FHIT: variants seen among roughly 807,000 people sequenced by gnomAD.
FHIT encodes bis(5'-adenosyl)-triphosphatase.
A neutral mutation model predicts 17.9 loss-of-function variants in FHIT; 19 were observed. That is an observed-to-expected ratio of 1.06 (90% CI 0.74 to 1.56). The LOEUF (loss-of-function observed/expected upper bound fraction) is 1.56, where lower values mean the gene tolerates loss of function less well. FHIT is among the 40% of genes most tolerant of loss of function. The pLI is 0.00. For missense variants in FHIT, 248 were observed against 189.2 expected (o/e 1.31, Z -1.82); for synonymous variants, 81 against 69.7 (o/e 1.16, Z -0.81).
At chr3:60,572,926 A>T (rs535844343) in intron 4 of FHIT, among the ~76,000 whole-genome samples, 2 of 152,184 alleles carry the variant, frequency 1.3e-5, no homozygotes, top group Admixed American at 6.5e-5. Flanking sequence ...AATGCTCAAC[A>T]TACAGCATTT....
intron 4 of FHIT, among the ~76,000 whole-genome samples, chr3:60,708,707 A>ATC (rs2041437438): frequency 6.6e-6 from 1 of 152,332 alleles, no homozygotes; most frequent in Admixed American, 6.5e-5. Context: ...CTTTTAATCC[A>ATC]TCACTTTGCA....
intron 5 of FHIT, among the ~76,000 whole-genome samples, chr3:60,325,228 C>T (rs150719171): frequency 7.4e-4 from 113 of 152,140 alleles, no homozygotes; most frequent in African/African-American, 2.6e-3. Context: ...TGTTTTATTG[C>T]GTTCTGTTAA....
At chr3:59,881,218 G>A (rs1703396747) in intron 8 of FHIT, among the ~76,000 whole-genome samples, 1 of 152,082 alleles carries the variant, frequency 6.6e-6, no homozygotes, top group East Asian at 1.9e-4. Flanking sequence ...AGACCACCTG[G>A]CTATAGATAC....
chr3:60,730,105 G>C (rs2041997694), intron 4 of FHIT: 1 of 513,494 alleles, frequency 1.9e-6, no homozygotes, highest in Non-Finnish European at 3.9e-6. Context: ...GTGTCCCAAT[G>C]TCATGGCAAT....
intron 8 of FHIT, among the ~76,000 whole-genome samples, chr3:59,865,621 G>T (rs1702609773): frequency 6.6e-6 from 1 of 152,068 alleles, no homozygotes; most frequent in African/African-American, 2.4e-5. Flanking sequence ...CTTTTGTTAA[G>T]ACCCATTCAC....
chr3:60,240,581 C>G (rs1289815067), intron 5 of FHIT, among the ~76,000 whole-genome samples: 1 of 152,110 alleles, frequency 6.6e-6, no homozygotes, highest in Non-Finnish European at 1.5e-5. Flanking sequence ...AGCACTTTGC[C>G]TTGGTCCAAA....
chr3:60,057,752 G>C (rs1702138982), intron 5 of FHIT, among the ~76,000 whole-genome samples: 2 of 150,996 alleles, frequency 1.3e-5, no homozygotes, highest in Non-Finnish European at 2.9e-5. Context: ...TTTTGACAAT[G>C]AGATGCTGGA....
At chr3:61,042,900 G>C (rs2033591004) in intron 2 of FHIT, among the ~76,000 whole-genome samples, 1 of 152,006 alleles carries the variant, frequency 6.6e-6, no homozygotes. Flanking sequence ...GTTCCCACTG[G>C]CCTAGGAAGG....
intron 8 of FHIT, among the ~76,000 whole-genome samples, chr3:59,898,203 T>C (rs1308196466): frequency 1.3e-5 from 2 of 152,172 alleles, no homozygotes; most frequent in East Asian, 3.9e-4. Context: ...TTACATACAA[T>C]TATCTTCAGG....
At chr3:59,914,871 T>G (rs1705056886) in intron 8 of FHIT, among the ~76,000 whole-genome samples, 1 of 152,210 alleles carries the variant, frequency 6.6e-6, no homozygotes, top group African/African-American at 2.4e-5. Context: ...AAAATAGATT[T>G]GGAAAAACTA....
intron 4 of FHIT, among the ~76,000 whole-genome samples, chr3:60,766,926 C>A (rs1699874346): frequency 6.6e-6 from 1 of 152,166 alleles, no homozygotes; most frequent in Admixed American, 6.5e-5. Context: ...TAAAAATAAT[C>A]CATGGACCAA....
intron 5 of FHIT, among the ~76,000 whole-genome samples, chr3:60,443,622 C>T (rs2031090248): frequency 6.6e-6 from 1 of 152,084 alleles, no homozygotes; most frequent in African/African-American, 2.4e-5. Context: ...AGGGATGAAG[C>T]CCACTTGATC....
intron 7 of FHIT, among the ~76,000 whole-genome samples, chr3:59,929,012 A>AAC (rs1705816745): frequency 6.6e-6 from 1 of 150,770 alleles, no homozygotes; most frequent in African/African-American, 2.4e-5. Flanking sequence ...AAAAAAAAAA[A>AAC]AAAAAAAAGG....
chr3:60,907,615 G>T (rs1017851751), intron 3 of FHIT, among the ~76,000 whole-genome samples: 1 of 144,826 alleles, frequency 6.9e-6, no homozygotes, highest in Non-Finnish European at 1.6e-5. Context: ...GGAGGTATAA[G>T]GTGAAATGTC....
intron 5 of FHIT, among the ~76,000 whole-genome samples, chr3:60,352,813 C>T (rs1333964135): frequency 6.6e-6 from 1 of 152,130 alleles, no homozygotes; most frequent in African/African-American, 2.4e-5. Flanking sequence ...CATACCTGAC[C>T]TAAAAGCATT....
chr3:60,402,726 G>A (rs1436379099), intron 5 of FHIT, among the ~76,000 whole-genome samples: 1 of 152,046 alleles, frequency 6.6e-6, no homozygotes, highest in Non-Finnish European at 1.5e-5. Flanking sequence ...GACTATTTTG[G>A]ACTAAAAATA....
At chr3:60,825,982 T>C (rs1233655476) in intron 3 of FHIT, among the ~76,000 whole-genome samples, 1 of 152,122 alleles carries the variant, frequency 6.6e-6, no homozygotes, top group East Asian at 1.9e-4. Flanking sequence ...CAATAACTTC[T>C]TTAAAAAGGA....
chr3:59,964,621 C>T (rs904112446), intron 7 of FHIT, among the ~76,000 whole-genome samples: 2 of 152,106 alleles, frequency 1.3e-5, no homozygotes, highest in Admixed American at 1.3e-4. Flanking sequence ...CACAACATCA[C>T]AATAGACAAA....
intron 5 of FHIT, among the ~76,000 whole-genome samples, chr3:60,098,130 G>A (rs1004949042): frequency 1.4e-5 from 2 of 142,284 alleles, no homozygotes; most frequent in African/African-American, 5.1e-5. Context: ...GGACATTTGG[G>A]TTGGTTCCAA....
Sources: allele counts gnomAD v4.1 joint callset (sites outside exome capture counted in the v4.1 genomes callset), GRCh38; gene constraint gnomAD v4.1.1; transcripts MANE v1.5; gene names NCBI Gene and HGNC (gene_info 2026-07-23, HGNC 2026-07-21).